Variants in DOCK5 observed in about 807,000 individuals in gnomAD.
DOCK5 encodes the protein dedicator of cytokinesis protein 5.
DOCK5 carries 142 observed loss-of-function variants against 251.8 expected under a neutral mutation model. The ratio of observed to expected loss-of-function variants is 0.56; its 90% CI spans 0.49 to 0.65. DOCK5 has a LOEUF of 0.65. Among genes scored for constraint, DOCK5 ranks in the 30% least tolerant of loss-of-function variants. The pLI is 0.00. For missense variants in DOCK5, 2,111 were observed against 2,312.3 expected (o/e 0.91, Z 1.79); for synonymous variants, 842 against 835.5 (o/e 1.01, Z -0.13).
At chr8:25,368,748 A>G (rs1479156002) in intron 33 of DOCK5, 23 bp downstream of exon 33, 1 of 1,604,284 alleles carries the variant, frequency 6.2e-7, no homozygotes, top group Admixed American at 1.7e-5. Context: ...AGACCGCGTA[A>G]TATTAGTAAA....
At chr8:25,205,472 T>C (rs905615595) in intron 1 of DOCK5, among the ~76,000 whole-genome samples, 2 of 152,212 alleles carry the variant, frequency 1.3e-5, no homozygotes, top group Non-Finnish European at 2.9e-5. Context: ...TATGGCAGCC[T>C]AAGCTGACTG....
intron 22 of DOCK5, among the ~76,000 whole-genome samples, chr8:25,340,241 A>G (rs543153319): frequency 7.2e-5 from 11 of 152,362 alleles, no homozygotes; most frequent in South Asian, 2.1e-4. Context: ...GAGAATTACC[A>G]TTAACCCTCT....
chr8:25,218,763 G>T (rs1321859670), intron 1 of DOCK5, among the ~76,000 whole-genome samples: 1 of 152,164 alleles, frequency 6.6e-6, no homozygotes, highest in African/African-American at 2.4e-5. Context: ...CAGTGCTGTG[G>T]CTCTTCTAGG....
At chr8:25,287,192 C>T (rs934482959) in intron 5 of DOCK5, among the ~76,000 whole-genome samples, 8 of 152,254 alleles carry the variant, frequency 5.3e-5, no homozygotes, top group East Asian at 1.9e-4. Context: ...ATCGGGAGGC[C>T]GAGGTGGGAG....
At chr8:25,292,346 C>A (rs1251606864) in intron 6 of DOCK5, among the ~76,000 whole-genome samples, 174 bp downstream of exon 6, 1 of 151,996 alleles carries the variant, frequency 6.6e-6, no homozygotes, top group Non-Finnish European at 1.5e-5. Context: ...GTCACAGTTC[C>A]CTCCATGGCC....
intron 40 of DOCK5, among the ~76,000 whole-genome samples, chr8:25,383,653 G>A (rs1159529519): frequency 2.0e-5 from 3 of 152,138 alleles, no homozygotes; most frequent in East Asian, 1.9e-4. Context: ...TCAGGGGTTC[G>A]AGACCAGTGT....
chr8:25,311,232 A>G (rs541952745), intron 13 of DOCK5, among the ~76,000 whole-genome samples: 11 of 152,186 alleles, frequency 7.2e-5, no homozygotes, highest in Admixed American at 1.3e-4. Context: ...ATTGATATTA[A>G]TAGAAATTCT....
At chr8:25,227,724 T>C (rs1802567412) in intron 1 of DOCK5, among the ~76,000 whole-genome samples, 1 of 152,226 alleles carries the variant, frequency 6.6e-6, no homozygotes, top group Admixed American at 6.5e-5. Context: ...GGTGTGTGTA[T>C]GTATTTGTAT....
intron 30 of DOCK5, among the ~76,000 whole-genome samples, chr8:25,365,547 T>A (rs1326292807): frequency 1.3e-5 from 2 of 152,248 alleles, no homozygotes; most frequent in East Asian, 3.8e-4. Flanking sequence ...GAGCACTGGT[T>A]ACAGAATTTT....
chr8:25,247,834 G>A (rs994785523), intron 2 of DOCK5, among the ~76,000 whole-genome samples: 8 of 152,172 alleles, frequency 5.3e-5, no homozygotes, highest in African/African-American at 1.7e-4. Flanking sequence ...CGATATGCTT[G>A]TAGGATGTGC....
Position 25,332,642 on chromosome 8 carries a change from A to G in DOCK5, c.2041A>G (p.Met681Val). 1.9e-6 allele frequency: 3 copies of G among 1,612,722 alleles called. No homozygotes were observed. The highest frequency in any genetic ancestry group is 2.5e-6 in the Non-Finnish European group (3 of 1,179,464). Residue 681 changes from methionine to valine, a missense_variant, in exon 20 of 52, where the codon ATG (methionine) becomes GTG (valine). Physicochemically the swap from Met to Val is conservative, Grantham distance 21 (BLOSUM62 1). This residue lies in a region of DOCK5 where 1,717 missense variants were observed against 1,892.4 expected (regional missense o/e 0.91). Transcript: ENST00000276440. Reference sequence around the variant, plus strand: ...ACTAGATGCACTCTTTAACATAATGATGGAAATGTCAGACAGTGAAACCTA... The same window carrying G: ...ACTAGATGCACTCTTTAACATAATGGTGGAAATGTCAGACAGTGAAACCTA... Reference protein sequence around the residue: ...DTLDALFNIMMEMSDSETYDF... With the variant: ...DTLDALFNIMVEMSDSETYDF...
At position 25,342,435 on chromosome 8, in the gene DOCK5, G is replaced by A; in HGVS notation, c.2545G>A (p.Asp849Asn). The A allele has an allele frequency of 6.2e-7, 1 of 1,600,682 alleles. No individual in the cohort carries two copies. Among genetic ancestry groups the A allele is most frequent in the Non-Finnish European group, 8.5e-7 (1 of 1,172,710 alleles). The change falls in exon 25 of 52, where the codon GAC (aspartate) becomes AAC (asparagine). Residue 849 changes from aspartate to asparagine, a missense_variant. Around this residue, in one of 3 missense-constraint regions of DOCK5, gnomAD observed 1,717 missense variants for 1,892.4 expected, o/e 0.91. Transcript: ENST00000276440. The part of the protein sequence containing the change: ...LFCKFIQSIP[D>N]NQLVRQKLNC... ...CTGCAAATTCATTCAAAGCATTCCT[G>A]ACAACCAGCTGGTTCGGCAGAAACT...
chr8:25,392,012 A>G, intron 43 of DOCK5, 32 bp downstream of exon 43: 2 of 1,602,018 alleles, frequency 1.2e-6, no homozygotes, highest in Non-Finnish European at 1.7e-6. Flanking sequence ...TTTAAGAGGT[A>G]AAATTAACGG....
chr8:25,226,966 C>A (rs1193124862), intron 1 of DOCK5, among the ~76,000 whole-genome samples: 1 of 152,286 alleles, frequency 6.6e-6, no homozygotes, highest in Middle Eastern at 3.4e-3. Flanking sequence ...TAAAAGGTGA[C>A]TAATTATCTG....
At position 25,400,964 on chromosome 8, in the gene DOCK5, G is replaced by C; in HGVS notation, c.4824G>C (p.Gly1608=). 6.2e-7 allele frequency: 1 copy of C among 1,614,018 alleles called. No homozygotes were observed. ...PLLTEGIRIH[G]EKLTEQLKPL... ...TAACAGAAGGGATCCGCATCCATGGGGAGAAACTCACAGAGCAGCTGAAGC... is the reference window on the plus strand; with the variant it reads ...TAACAGAAGGGATCCGCATCCATGGCGAGAAACTCACAGAGCAGCTGAAGC... The change falls in exon 47 of 52, where the codon GGG becomes GGC. Residue 1608 remains glycine (G), a synonymous_variant. Coordinates refer to ENST00000276440, the MANE Select transcript of DOCK5 (RefSeq NM_024940.8).
chr8:25,409,962 A>C (rs934300883), intron 50 of DOCK5, 137 bp from the exon 51 acceptor site: 1 of 686,120 alleles, frequency 1.5e-6, no homozygotes, highest in Non-Finnish European at 2.5e-6. Context: ...TCTTCGTTCT[A>C]TCCGCAGAAA....
At chr8:25,378,029 G>T (rs1168089911) in intron 38 of DOCK5, among the ~76,000 whole-genome samples, 2 of 152,048 alleles carry the variant, frequency 1.3e-5, no homozygotes, top group Non-Finnish European at 1.5e-5. Context: ...AAGACTACAG[G>T]CATGAGCCAC....
Position 25,400,982 on chromosome 8 carries a change from G to A in DOCK5, c.4842G>A (p.Gln1614=). Residue 1614 remains glutamine, a synonymous_variant, in exon 47 of 52, where the codon CAG becomes CAA. Coordinates refer to ENST00000276440, the MANE Select transcript of DOCK5 (RefSeq NM_024940.8). ...IRIHGEKLTE[Q]LKPLHERLSS... ...TCCATGGGGAGAAACTCACAGAGCA[G>A]CTGAAGCCGCTGCATGAGCGGTTGT... The A allele has an allele frequency of 6.2e-7, 1 of 1,614,066 alleles. No individual in the cohort carries two copies. Among genetic ancestry groups the A allele is most frequent in the Admixed American group, 1.7e-5 (1 of 60,034 alleles).
chr8:25,222,624 CTTAG>C (rs933752047), intron 1 of DOCK5, among the ~76,000 whole-genome samples: 50 of 152,182 alleles, frequency 3.3e-4, no homozygotes, highest in Non-Finnish European at 5.9e-4. Context: ...CATTAACACA[CTTAG>C]TTAGAGCACA....
Sources: gnomAD v4.1 joint callset for allele counts (sites outside exome capture counted in the v4.1 genomes callset) on GRCh38, gnomAD v4.1.1 for gene constraint, gnomAD v4.1.1 regional missense constraint, MANE v1.5 for transcripts, NCBI Gene and HGNC (gene_info 2026-07-23, HGNC 2026-07-21) for gene names.